Variants in SMYD3 observed in about 807,000 individuals in gnomAD.
SMYD3 encodes the protein histone-lysine N-methyltransferase SMYD3.
SMYD3 carries 36 observed loss-of-function variants against 57.7 expected under a neutral mutation model. The ratio of observed to expected loss-of-function variants is 0.62; its 90% CI spans 0.48 to 0.82. The LOEUF (loss-of-function observed/expected upper bound fraction) is 0.82, where lower values mean the gene tolerates loss of function less well. Ranked by LOEUF, SMYD3 falls within the 40% of genes least tolerant of loss-of-function variation. The pLI is 0.00. For missense variants in SMYD3, 515 were observed against 538.8 expected (o/e 0.96, Z 0.44); for synonymous variants, 211 against 195.0 (o/e 1.08, Z -0.68).
intron 5 of SMYD3, among the ~76,000 whole-genome samples, chr1:246,185,846 G>T (rs190604396): frequency 3.3e-5 from 5 of 152,282 alleles, no homozygotes; most frequent in Admixed American, 2.0e-4. Flanking sequence ...ATGCCAAAAA[G>T]AACTTACACA....
chr1:245,802,995 T>C (rs2817522), intron 10 of SMYD3, among the ~76,000 whole-genome samples: 30,457 of 152,162 alleles, frequency 0.2, 4,017 homozygotes, highest in African/African-American at 0.37. Context: ...TGGACACCAC[T>C]TGCCTCTCAA....
chr1:246,494,117 T>C (rs968087766), intron 1 of SMYD3, among the ~76,000 whole-genome samples: 5 of 152,290 alleles, frequency 3.3e-5, no homozygotes, highest in Non-Finnish European at 5.9e-5. Context: ...GTGCACCTCA[T>C]ACTGCAGCCC....
At chr1:246,248,635 CCTT>C (rs2063747466) in intron 5 of SMYD3, among the ~76,000 whole-genome samples, 3 of 68,336 alleles carry the variant, frequency 4.4e-5, no homozygotes, top group African/African-American at 6.5e-5. Flanking sequence ...CTCTGACTTT[CCTT>C]TTTTTTTTTT....
chr1:246,348,587 T>C (rs1382642350), intron 2 of SMYD3, among the ~76,000 whole-genome samples: 1 of 151,810 alleles, frequency 6.6e-6, no homozygotes, highest in African/African-American at 2.4e-5. Flanking sequence ...CAACAGACAT[T>C]GGAGAATATA....
At chr1:246,342,311 G>A (rs1174859751) in intron 2 of SMYD3, among the ~76,000 whole-genome samples, 1 of 152,028 alleles carries the variant, frequency 6.6e-6, no homozygotes, top group African/African-American at 2.4e-5. Context: ...GTTTCCTATG[G>A]GCAAAACTTA....
intron 10 of SMYD3, among the ~76,000 whole-genome samples, chr1:245,769,490 G>A (rs2247524): frequency 0.05 from 7,583 of 152,242 alleles, 624 homozygotes; most frequent in African/African-American, 0.17. Context: ...CCCGGACCCG[G>A]GATCTTCAAC....
intron 5 of SMYD3, among the ~76,000 whole-genome samples, chr1:246,092,934 CA>C (rs1419314141): frequency 6.7e-6 from 1 of 149,436 alleles, no homozygotes; most frequent in Non-Finnish European, 1.5e-5. Context: ...AAAAAAAAAA[CA>C]AAAAATGGGC....
At chr1:246,107,294 GAA>G (rs918207260) in intron 5 of SMYD3, among the ~76,000 whole-genome samples, 3 of 138,146 alleles carry the variant, frequency 2.2e-5, no homozygotes, top group Admixed American at 2.2e-4. Context: ...CGCAAAAAAA[GAA>G]AAAAAAAAAG....
At chr1:246,240,376 G>C (rs1015090389) in intron 5 of SMYD3, among the ~76,000 whole-genome samples, 2 of 152,110 alleles carry the variant, frequency 1.3e-5, no homozygotes, top group Non-Finnish European at 2.9e-5. Flanking sequence ...GTTTTTGTCA[G>C]GTGTGTCAAA....
At chr1:246,122,819 T>C (rs1042198107) in intron 5 of SMYD3, among the ~76,000 whole-genome samples, 1 of 152,308 alleles carries the variant, frequency 6.6e-6, no homozygotes, top group Non-Finnish European at 1.5e-5. Context: ...GGGACTAATT[T>C]CACATCTGCA....
chr1:246,493,670 G>C (rs935625086), intron 1 of SMYD3, among the ~76,000 whole-genome samples: 7 of 152,078 alleles, frequency 4.6e-5, no homozygotes, highest in Admixed American at 3.3e-4. Flanking sequence ...TATTCCAATA[G>C]TTCAAAACCC....
In SMYD3 at chr1:246,279,691, G is replaced by C. The variant is rs140483338; in HGVS notation, c.531+47510C>G. ...GCAGACTATTGAACAGGGAAGAATAGAGTAGGGAGAGAAAAGACGATAGTG... is the reference window on the plus strand; with the variant it reads ...GCAGACTATTGAACAGGGAAGAATACAGTAGGGAGAGAAAAGACGATAGTG... On this transcript the variant is annotated intron_variant, in intron 5 of 11. Coordinates refer to ENST00000490107, the MANE Select transcript of SMYD3 (RefSeq NM_001167740.2). Among the ~76,000 whole-genome samples the C allele has an allele frequency of 1.2e-4, 18 of 152,270 alleles. 1 individual carries two copies. The highest frequency in any genetic ancestry group is 3.9e-4 in the African/African-American group (16 of 41,542).
At chr1:246,071,552 C>T (rs1014702563) in intron 5 of SMYD3, among the ~76,000 whole-genome samples, 4 of 152,112 alleles carry the variant, frequency 2.6e-5, no homozygotes, top group African/African-American at 9.7e-5. Context: ...CCATTATAAT[C>T]CCAAAGGACA....
rs1264211101 is a variant in SMYD3 at position 246,202,749 on chromosome 1, A to G, written c.531+124452T>C. Among the ~76,000 whole-genome samples, 2 of 152,264 alleles carry G rather than the reference A, an allele frequency of 1.3e-5. No individual in the cohort carries two copies. The highest frequency in any genetic ancestry group is 3.8e-4 in the East Asian group (2 of 5,206). On this transcript the variant is annotated intron_variant, in intron 5 of 11. Transcript: ENST00000490107. This position sits in a 1 kb window ranked among gnomAD's most constrained non-coding sequence, Gnocchi z 4.1. The stretch of plus-strand genomic sequence containing the variant: ...ATGATACCTGCTTATGCATAAGCCT[A>G]AAGCCTCCATGGCTAGTGAGAGAAT...
intron 5 of SMYD3, among the ~76,000 whole-genome samples, chr1:246,129,312 T>C (rs1245982874): frequency 6.6e-6 from 1 of 151,986 alleles, no homozygotes; most frequent in Non-Finnish European, 1.5e-5. Flanking sequence ...AAAGCTTTAA[T>C]AGGTAATTGT....
rs180735392 is a variant in SMYD3, at chr1:246,432,658, G to A, written c.164+74396C>T. 2.3e-4 allele frequency among the ~76,000 whole-genome samples: 35 copies of A among 152,266 alleles called. No homozygotes were observed. The East Asian group carries it at 3.9e-3, about 17-fold the overall frequency. ...ACAGACTGTAAGACTCCACTCGCTC[G>A]CTTGGTCTTGACTGCCTAACTGATG... On this transcript the variant is annotated intron_variant, in intron 1 of 11. Transcript: ENST00000490107.
intron 10 of SMYD3, among the ~76,000 whole-genome samples, chr1:245,802,967 T>C (rs1219678866): frequency 2.6e-5 from 4 of 152,210 alleles, no homozygotes; most frequent in African/African-American, 9.6e-5. Flanking sequence ...ACAGGCAACA[T>C]TGGCCTTTAT....
chr1:245,795,261 C>G (rs918459329), intron 10 of SMYD3, among the ~76,000 whole-genome samples: 1 of 152,198 alleles, frequency 6.6e-6, no homozygotes, highest in Non-Finnish European at 1.5e-5. Flanking sequence ...TCTTATACCT[C>G]CATAGACTCA....
At chr1:246,020,288 A>G (rs557331218) in intron 5 of SMYD3, among the ~76,000 whole-genome samples, 8 of 152,248 alleles carry the variant, frequency 5.3e-5, no homozygotes, top group Non-Finnish European at 1.2e-4. Context: ...TAAATAAAAC[A>G]GTGTTCTCAA....
Sources: allele counts gnomAD v4.1 joint callset (sites outside exome capture counted in the v4.1 genomes callset), GRCh38; gene constraint gnomAD v4.1.1; non-coding constraint Gnocchi (gnomAD v3.1); transcripts MANE v1.5; gene names NCBI Gene and HGNC (gene_info 2026-07-23, HGNC 2026-07-21).